DRC8: variants seen among roughly 807,000 people sequenced by gnomAD.
DRC8 encodes dynein regulatory complex protein 8.
chr1:245,056,817 G>T, the DRC8 span, among the ~76,000 whole-genome samples: 3 of 150,966 alleles, frequency 2.0e-5, no homozygotes, highest in Non-Finnish European at 4.4e-5. Context: ...CATGCCTGTA[G>T]TCCCAGCTAC....
At chr1:245,036,589 T>A in the DRC8 span, among the ~76,000 whole-genome samples, 18 of 152,178 alleles carry the variant, frequency 1.2e-4, no homozygotes, top group African/African-American at 4.3e-4. Context: ...TAGAAACAAC[T>A]CATGTCAATC....
At chr1:245,104,037 T>G in the DRC8 span, among the ~76,000 whole-genome samples, 12,225 of 151,610 alleles carry the variant, frequency 0.081, 859 homozygotes, top group African/African-American at 0.18. Flanking sequence ...CCTGGGACAG[T>G]GGAAATAAGA....
the DRC8 span, among the ~76,000 whole-genome samples, chr1:245,004,777 G>A: frequency 8.5e-5 from 13 of 152,212 alleles, no homozygotes; most frequent in Non-Finnish European, 1.5e-5. Flanking sequence ...TATGATGTTA[G>A]TTGTGAGTTT....
At chr1:244,987,024 A>G in the DRC8 span, among the ~76,000 whole-genome samples, 1 of 152,098 alleles carries the variant, frequency 6.6e-6, no homozygotes, top group African/African-American at 2.4e-5. Context: ...GTGCCTCCGT[A>G]GGGCTGTCTG....
the DRC8 span, among the ~76,000 whole-genome samples, chr1:244,973,116 T>C: frequency 2.0e-5 from 3 of 152,200 alleles, no homozygotes; most frequent in Admixed American, 2.0e-4. Context: ...ACTAAACTCA[T>C]AAAAGACTGA....
the DRC8 span, among the ~76,000 whole-genome samples, chr1:245,046,861 C>T: frequency 6.6e-6 from 1 of 152,182 alleles, no homozygotes; most frequent in Admixed American, 6.5e-5. Context: ...TCTTATATTG[C>T]CTTTACTGGG....
chr1:245,105,746 A>C, the DRC8 span, among the ~76,000 whole-genome samples: 3 of 152,074 alleles, frequency 2.0e-5, no homozygotes, highest in Admixed American at 1.3e-4. Context: ...CTTTTCTTTA[A>C]TTTTTCAAGC....
the DRC8 span, among the ~76,000 whole-genome samples, chr1:245,086,177 T>A: frequency 6.6e-6 from 1 of 152,242 alleles, no homozygotes; most frequent in South Asian, 2.1e-4. Flanking sequence ...AGAATACATA[T>A]GTTTTCAATT....
chr1:245,010,315 C>T, the DRC8 span, among the ~76,000 whole-genome samples: 1 of 152,198 alleles, frequency 6.6e-6, no homozygotes. Flanking sequence ...GAAGTAGTTG[C>T]ACACTGGAAT....
At chr1:245,013,722 GAAC>G in the DRC8 span, among the ~76,000 whole-genome samples, 1 of 152,096 alleles carries the variant, frequency 6.6e-6, no homozygotes, top group African/African-American at 2.4e-5. Flanking sequence ...TTAGATTAGA[GAAC>G]AACATTAAAA....
chr1:245,065,588 T>C, the DRC8 span, among the ~76,000 whole-genome samples: 1 of 152,224 alleles, frequency 6.6e-6, no homozygotes, highest in Non-Finnish European at 1.5e-5. Context: ...CTTTGCATAA[T>C]CTGTTTTCTC....
the DRC8 span, among the ~76,000 whole-genome samples, chr1:245,069,133 C>T: frequency 2.0e-5 from 3 of 152,078 alleles, no homozygotes; most frequent in Non-Finnish European, 2.9e-5. Flanking sequence ...CACCGACCCC[C>T]GTGCAGTTGA....
the DRC8 span, among the ~76,000 whole-genome samples, chr1:245,072,602 T>C: frequency 6.6e-6 from 1 of 152,212 alleles, no homozygotes; most frequent in East Asian, 1.9e-4. Context: ...CTTGTTGTTA[T>C]GCATTTGTCC....
the DRC8 span, among the ~76,000 whole-genome samples, chr1:245,117,422 T>A: frequency 6.6e-6 from 1 of 152,030 alleles, no homozygotes; most frequent in African/African-American, 2.4e-5. Flanking sequence ...ATTTTAATTT[T>A]ATTTTATTTA....
chr1:245,083,217 C>G, the DRC8 span, among the ~76,000 whole-genome samples: 1 of 152,078 alleles, frequency 6.6e-6, no homozygotes, highest in African/African-American at 2.4e-5. Flanking sequence ...GTGAACTGTG[C>G]GTGTTAGGGA....
the DRC8 span, among the ~76,000 whole-genome samples, chr1:245,068,167 A>C: frequency 1.3e-5 from 2 of 152,206 alleles, no homozygotes; most frequent in African/African-American, 4.8e-5. Flanking sequence ...GACCCAGGGA[A>C]ATCTTCAAAA....
At chr1:245,104,274 C>G in the DRC8 span, among the ~76,000 whole-genome samples, 2 of 152,106 alleles carry the variant, frequency 1.3e-5, no homozygotes, top group African/African-American at 4.8e-5. Flanking sequence ...GAGGCCCAGG[C>G]GGGCAGATCA....
the DRC8 span, among the ~76,000 whole-genome samples, chr1:245,011,069 T>A: frequency 6.6e-6 from 1 of 152,160 alleles, no homozygotes; most frequent in Non-Finnish European, 1.5e-5. Flanking sequence ...ATATACATAA[T>A]GAGATATCTT....
chr1:245,004,735 G>T, the DRC8 span, among the ~76,000 whole-genome samples: 7 of 152,050 alleles, frequency 4.6e-5, no homozygotes, highest in Non-Finnish European at 1.0e-4. Context: ...TTATTCTAAG[G>T]GCACGCAGAA....
Sources: allele counts gnomAD v4.1 joint callset (sites outside exome capture counted in the v4.1 genomes callset), GRCh38; gene constraint gnomAD v4.1.1; transcripts MANE v1.5; gene names NCBI Gene and HGNC (gene_info 2026-07-23, HGNC 2026-07-21).